The following ATP2C1 variants were observed in gnomAD, a reference collection of about 807,000 sequenced individuals.
The protein encoded by ATP2C1 is ATPase secretory pathway Ca2+ transporting 1.
ATP2C1 carries 31 observed loss-of-function variants against 120.5 expected under a neutral mutation model. The observed-to-expected ratio is 0.26, with a 90% confidence interval of 0.19 to 0.35. The LOEUF (loss-of-function observed/expected upper bound fraction) is 0.35, where lower values mean the gene tolerates loss of function less well. Among genes scored for constraint, ATP2C1 ranks in the 10% least tolerant of loss-of-function variants. ATP2C1 has a pLI of 1.00. For synonymous variants in ATP2C1, 351 were observed against 358.7 expected (o/e 0.98, Z 0.24); for missense variants, 731 against 1,107.5 (o/e 0.66, Z 4.83).
chr3:130,924,628 G>A (rs1038000875), intron 2 of ATP2C1, among the ~76,000 whole-genome samples: 4 of 152,040 alleles, frequency 2.6e-5, no homozygotes, highest in African/African-American at 4.8e-5. Flanking sequence ...TAGCAAGACC[G>A]GGGAAGTTTT....
At chr3:130,997,845 G>A (rs1032634685) in intron 25 of ATP2C1, 92 bp downstream of exon 25, 2 of 1,340,072 alleles carry the variant, frequency 1.5e-6, no homozygotes, top group Admixed American at 1.8e-5. Flanking sequence ...AGAAGGCTGG[G>A]AAGTTAAGGG....
At chr3:130,885,825 T>C (rs987921758) in intron 1 of ATP2C1, among the ~76,000 whole-genome samples, 1 of 152,230 alleles carries the variant, frequency 6.6e-6, no homozygotes, top group Non-Finnish European at 1.5e-5. Context: ...ATGTGCTTAC[T>C]ATTACCAGCG....
intron 26 of ATP2C1, among the ~76,000 whole-genome samples, chr3:131,015,658 C>G (rs190909857): frequency 2.2e-4 from 33 of 152,260 alleles, no homozygotes; most frequent in African/African-American, 7.7e-4. Flanking sequence ...CACCCTAGCA[C>G]AGGGTAGGCA....
At chr3:130,922,544 A>G (rs1002262219) in intron 2 of ATP2C1, among the ~76,000 whole-genome samples, 1 of 151,830 alleles carries the variant, frequency 6.6e-6, no homozygotes, top group Non-Finnish European at 1.5e-5. Flanking sequence ...TTGAGGTGTG[A>G]CCTTAGATTG....
Position 130,930,475 on chromosome 3 carries a change from A to G in ATP2C1, c.66A>G (p.Thr22=), listed in dbSNP as rs1559936839. 2 of 1,613,654 alleles carry G rather than the reference A, an allele frequency of 1.2e-6. No individual in the cohort carries two copies. The highest frequency in any genetic ancestry group is 1.7e-6 in the Non-Finnish European group (2 of 1,179,582). Residue 22 remains threonine, a synonymous_variant, in exon 3 of 28, where the codon ACA becomes ACG. Coordinates refer to ENST00000510168, the MANE Select transcript of ATP2C1 (RefSeq NM_001378687.1). ...ATGAGACAATGATTCCTGTATTGACATCAAAAAAAGCAAGTGAATTACCAG... is the reference window on the plus strand; with the variant it reads ...ATGAGACAATGATTCCTGTATTGACGTCAAAAAAAGCAAGTGAATTACCAG... ...GENETMIPVL[T]SKKASELPVS...
intron 14 of ATP2C1, among the ~76,000 whole-genome samples, chr3:130,965,288 C>G (rs1419072319): frequency 6.6e-6 from 1 of 152,026 alleles, no homozygotes; most frequent in Non-Finnish European, 1.5e-5. Flanking sequence ...TATCCATAAT[C>G]AAATCCTACC....
At position 131,001,328 on chromosome 3, in the gene ATP2C1, C is replaced by T; in HGVS notation, c.2738C>T (p.Ser913Leu). ...ATCCAGAAGCATGTTAGTTCGACAT[C>T]ATCATCTTTTCTTGAAGTATGATGC... is the stretch of plus-strand genomic sequence containing the variant. The part of the protein sequence containing the change: ...EKIQKHVSST[S>L]SSFLEV Residue 913 changes from serine (S) to leucine (L), a missense_variant, in exon 28 of 28, where the codon TCA becomes TTA. Physicochemically the swap from Ser to Leu is moderately radical, Grantham distance 145. This residue lies in a region of ATP2C1 where 141 missense variants were observed against 201.6 expected (regional missense o/e 0.70). Transcript: ENST00000510168. 2 of 1,613,418 alleles carry T rather than the reference C, an allele frequency of 1.2e-6. No homozygotes were observed. The highest frequency in any genetic ancestry group is 1.7e-6 in the Non-Finnish European group (2 of 1,179,624).
upstream of ATP2C1, chr3:130,893,930 C>T (rs2069327791): frequency 1.0e-6 from 1 of 985,692 alleles, no homozygotes; most frequent in Non-Finnish European, 1.2e-6. Context: ...TCACTTCCGC[C>T]TTCCCAGCCC....
intron 4 of ATP2C1, among the ~76,000 whole-genome samples, chr3:130,933,430 G>A (rs1162022532): frequency 6.6e-6 from 1 of 152,138 alleles, no homozygotes; most frequent in Non-Finnish European, 1.5e-5. Flanking sequence ...GTGCTTTAAT[G>A]TACATTCTTA....
chr3:130,919,274 G>C (rs1348871962), intron 2 of ATP2C1, among the ~76,000 whole-genome samples: 1 of 151,214 alleles, frequency 6.6e-6, no homozygotes, highest in Non-Finnish European at 1.5e-5. Flanking sequence ...GCCGAGGCTA[G>C]AGTGCAATGG....
At position 130,918,246 on chromosome 3, in the gene ATP2C1, C is replaced by T. The variant is rs2058774384; in HGVS notation, c.7-12170C>T. 4 of 1,506,532 alleles carry T rather than the reference C, an allele frequency of 2.7e-6. No homozygotes were observed. In the East Asian group the frequency reaches 9.1e-5, roughly 34 times the overall value. The allele number at this position is 1,506,532 out of a possible 1,614,324, so 93.3% of individuals were successfully genotyped here. A position where few individuals can be genotyped will look rare whatever the true frequency, so the allele number is the denominator to read the frequency against. On this transcript the variant is annotated intron_variant, in intron 2 of 27. Transcript: ENST00000510168. Reference sequence around the variant, plus strand: ...ACTGGGCATGAACAAGAGCCCTCTCCTTGGCCATAGCCAAATCCCTTGGGC... The same window carrying T: ...ACTGGGCATGAACAAGAGCCCTCTCTTTGGCCATAGCCAAATCCCTTGGGC...
At chr3:131,006,109 T>G (rs1313086822), downstream of ATP2C1, among the ~76,000 whole-genome samples, 1 of 152,148 alleles carries the variant, frequency 6.6e-6, no homozygotes, top group Non-Finnish European at 1.5e-5. Context: ...ACAATGTTGG[T>G]TTTTCATTTG....
chr3:130,911,234 G>A (rs1361664904), intron 2 of ATP2C1, among the ~76,000 whole-genome samples: 137 of 141,074 alleles, frequency 9.7e-4, no homozygotes, highest in Non-Finnish European at 1.6e-3. Flanking sequence ...GTTTATTTGC[G>A]TAGAGGTGTT....
intron 1 of ATP2C1, among the ~76,000 whole-genome samples, chr3:130,851,373 A>C (rs1009674659): frequency 6.6e-6 from 1 of 152,208 alleles, no homozygotes; most frequent in African/African-American, 2.4e-5. Flanking sequence ...TAATAACCTT[A>C]AACAGATCAT....
At chr3:130,996,220 G>A in intron 23 of ATP2C1, 109 bp downstream of exon 23, 1 of 842,500 alleles carries the variant, frequency 1.2e-6, no homozygotes, top group South Asian at 1.4e-5. Context: ...TGTGAGCATT[G>A]TTCATATGTC....
intron 8 of ATP2C1, among the ~76,000 whole-genome samples, chr3:130,946,502 C>A (rs79801212): frequency 0.027 from 4,102 of 152,256 alleles, 189 homozygotes; most frequent in African/African-American, 0.093. Flanking sequence ...AAATAATCTC[C>A]TTGACTGGAA....
At chr3:130,892,373 C>T (rs1159720899), upstream of ATP2C1, among the ~76,000 whole-genome samples, 1 of 152,210 alleles carries the variant, frequency 6.6e-6, no homozygotes, top group East Asian at 1.9e-4. Flanking sequence ...CGAGAGATCA[C>T]AATCATTGTA....
At chr3:131,015,898 G>T in intron 26 of ATP2C1, 1 of 603,042 alleles carries the variant, frequency 1.7e-6, no homozygotes, top group Admixed American at 2.5e-5. Flanking sequence ...ATTACTTAAA[G>T]GAACTGATTT....
upstream of ATP2C1, among the ~76,000 whole-genome samples, chr3:130,893,535 C>G (rs1338143968): frequency 6.6e-6 from 1 of 152,230 alleles, no homozygotes; most frequent in African/African-American, 2.4e-5. Context: ...TCACGGTGCT[C>G]CAGTCCCTGG....
Sources: gnomAD v4.1 joint callset for allele counts (sites outside exome capture counted in the v4.1 genomes callset) on GRCh38, gnomAD v4.1.1 for gene constraint, gnomAD v4.1.1 regional missense constraint, MANE v1.5 for transcripts, NCBI Gene and HGNC (gene_info 2026-07-23, HGNC 2026-07-21) for gene names.